PPP2R2B: variants seen among roughly 807,000 people sequenced by gnomAD.
PPP2R2B encodes the protein serine/threonine-protein phosphatase 2A 55 kDa regulatory subunit B beta isoform.
Under a neutral mutation model 46.0 loss-of-function variants are expected in PPP2R2B, and 5 were observed. The ratio of observed to expected loss-of-function variants is 0.11; its 90% CI spans 0.06 to 0.23. The LOEUF (loss-of-function observed/expected upper bound fraction) is 0.23. PPP2R2B is among the 10% of genes least tolerant of loss of function. PPP2R2B has a pLI of 1.00. For synonymous variants in PPP2R2B, 215 were observed against 206.7 expected, an observed-to-expected ratio of 1.04 and a Z score of -0.34; for missense variants, 367 against 575.0, an observed-to-expected ratio of 0.64 and a Z score of 3.70.
At chr5:147,031,246 AT>A (rs1755767420) in intron 1 of PPP2R2B, among the ~76,000 whole-genome samples, 1 of 152,008 alleles carries the variant, frequency 6.6e-6, no homozygotes, top group Non-Finnish European at 1.5e-5. Context: ...AAAAAAAAAA[AT>A]CTTTATTTTG....
At chr5:146,766,505 T>TA (rs546742336) in intron 2 of PPP2R2B, among the ~76,000 whole-genome samples, 237 of 152,218 alleles carry the variant, frequency 1.6e-3, no homozygotes, top group African/African-American at 5.6e-3. Context: ...AAGACTGAGG[T>TA]AAAAAACACA....
intron 7 of PPP2R2B, among the ~76,000 whole-genome samples, chr5:146,601,944 T>C (rs893199031): frequency 3.3e-5 from 5 of 152,358 alleles, no homozygotes; most frequent in Admixed American, 6.5e-5. Context: ...CAGTATGTTA[T>C]TGGAGCCCAT....
chr5:146,779,238 A>G (rs1394152277), intron 2 of PPP2R2B, among the ~76,000 whole-genome samples: 1 of 152,190 alleles, frequency 6.6e-6, no homozygotes, highest in Non-Finnish European at 1.5e-5. Flanking sequence ...GTCTTTTAAG[A>G]GTGATTTTAA....
chr5:146,684,376 C>A (rs1778359724), intron 5 of PPP2R2B, among the ~76,000 whole-genome samples: 1 of 152,228 alleles, frequency 6.6e-6, no homozygotes, highest in Admixed American at 6.5e-5. Context: ...GTTCCCCCTC[C>A]TCCCAGAATG....
chr5:146,913,255 G>T (rs1763257096), intron 1 of PPP2R2B, among the ~76,000 whole-genome samples: 1 of 152,208 alleles, frequency 6.6e-6, no homozygotes, highest in Non-Finnish European at 1.5e-5. Context: ...CTTCAGGATG[G>T]TAGGAGAAGG....
intron 5 of PPP2R2B, among the ~76,000 whole-genome samples, chr5:146,669,340 T>C (rs1410096808): frequency 2.0e-5 from 3 of 152,086 alleles, no homozygotes; most frequent in African/African-American, 4.8e-5. Flanking sequence ...GTTAATCTGC[T>C]CTTTCTTCAG....
Position 146,591,991 on chromosome 5 carries a change from G to A in PPP2R2B, c.1052+980C>T, listed in dbSNP as rs116434449. The A allele has an allele frequency of 3.2e-3, 974 of 300,348 alleles. 11 individuals carry two copies. The highest frequency in any genetic ancestry group is 0.02 in the African/African-American group (872 of 43,786). The allele number at this position is 300,348 out of a possible 1,614,324, so 18.6% of individuals were successfully genotyped here. A position where few individuals can be genotyped will look rare whatever the true frequency, so the allele number is the denominator to read the frequency against. On this transcript the variant is annotated intron_variant, in intron 9 of 9. Transcript: ENST00000394411. ...TTTTTGAATCAAGGCTAAGATAGAG[G>A]AAAAACTTGAGCAATAATAACAGAT...
At chr5:146,989,096 A>T (rs965581296) in intron 1 of PPP2R2B, among the ~76,000 whole-genome samples, 36 of 151,984 alleles carry the variant, frequency 2.4e-4, no homozygotes, top group African/African-American at 8.4e-4. Flanking sequence ...GCAATGAGAT[A>T]GGCACAGTAA....
rs575632504 is a variant in PPP2R2B at position 146,586,997 on chromosome 5, T to A, written c.*2950A>T. 4.7e-4 allele frequency: 72 copies of A among 152,336 alleles called. No individual in the cohort carries two copies. Among genetic ancestry groups the A allele is most frequent in the African/African-American group, 1.7e-3 (69 of 41,582 alleles). 9.4% of individuals were successfully genotyped at this position (152,336 alleles called of 1,614,324 possible). A position where few individuals can be genotyped will look rare whatever the true frequency, so the allele number is the denominator to read the frequency against. On this transcript the variant is annotated 3_prime_UTR_variant, in exon 10 of 10. Coordinates refer to ENST00000394411, the MANE Select transcript of PPP2R2B (RefSeq NM_181675.4). ...GCCAGGGATGGCGTGGCTTCCATTTTCCTTCATTCAACTGACACCCTCCAG... is the reference window on the plus strand; with the variant it reads ...GCCAGGGATGGCGTGGCTTCCATTTACCTTCATTCAACTGACACCCTCCAG...
intron 5 of PPP2R2B, among the ~76,000 whole-genome samples, chr5:146,682,256 A>G (rs577799065): frequency 6.6e-6 from 1 of 152,292 alleles, no homozygotes; most frequent in South Asian, 2.1e-4. Context: ...TCAAAGCATA[A>G]TGAATTGCTA....
In PPP2R2B at chr5:146,594,378, G is replaced by A. The variant is rs189198827; in HGVS notation, c.961-1316C>T. ...AAGCATAGTTGAATATTTTTCTCCA[G>A]CTACATTCAGCAACTCAGCTGTAGA... On this transcript the variant is annotated intron_variant, in intron 8 of 9. Transcript: ENST00000394411. 2.6e-5 allele frequency among the ~76,000 whole-genome samples: 4 copies of A among 152,284 alleles called. No individual in the cohort carries two copies. The East Asian group carries it at 7.7e-4, about 29-fold the overall frequency.
At chr5:146,728,705 A>T (rs1282774167) in intron 2 of PPP2R2B, among the ~76,000 whole-genome samples, 2 of 152,170 alleles carry the variant, frequency 1.3e-5, no homozygotes, top group African/African-American at 4.8e-5. Context: ...TGCTATTCTC[A>T]TGATAGTGAA....
At chr5:146,631,864 A>G (rs1248183450) in intron 7 of PPP2R2B, among the ~76,000 whole-genome samples, 2 of 151,940 alleles carry the variant, frequency 1.3e-5, no homozygotes, top group Non-Finnish European at 2.9e-5. Context: ...TGTGCTTCCA[A>G]TGTGTCAGGG....
intron 2 of PPP2R2B, among the ~76,000 whole-genome samples, chr5:146,845,392 G>A (rs370870740): frequency 1.4e-5 from 2 of 145,058 alleles, no homozygotes; most frequent in African/African-American, 5.1e-5. Context: ...TGCAAGCTCC[G>A]CCTCCCAGGT....
chr5:146,584,136 C>G lies in PPP2R2B; in HGVS notation c.*5811G>C, dbSNP rs1770023337. On this transcript the variant is annotated 3_prime_UTR_variant, in exon 10 of 10. Coordinates refer to ENST00000394411, the MANE Select transcript of PPP2R2B (RefSeq NM_181675.4). ...GGGAAGGCTGGGAGTGGACTGGGAT[C>G]TGTCTTGGCAGTGGCTAAGCCCCTT... 6.6e-6 allele frequency: 1 copy of G among 152,502 alleles called. No individual in the cohort carries two copies. The highest frequency in any genetic ancestry group is 1.5e-5 in the Non-Finnish European group (1 of 68,278). The allele number at this position is 152,502 out of a possible 1,614,324, so 9.4% of individuals were successfully genotyped here.
Position 147,050,172 on chromosome 5 carries a change from T to C in PPP2R2B, c.79+5493A>G, listed in dbSNP as rs148891352. ...CATTGTACATAAAATTCAAAAAATA[T>C]GTTTCAGACATAAAGCAATATCAAA... On this transcript the variant is annotated intron_variant, in intron 1 of 8. Coordinates refer to the PPP2R2B transcript ENST00000336640. Among the ~76,000 whole-genome samples the C allele has an allele frequency of 2.7e-3, 409 of 152,336 alleles. 5 individuals are homozygous for C. Among genetic ancestry groups the C allele is most frequent in the Admixed American group, 0.014 (210 of 15,296 alleles).
intron 1 of PPP2R2B, among the ~76,000 whole-genome samples, chr5:146,929,202 A>G (rs1363009051): frequency 6.6e-6 from 1 of 152,122 alleles, no homozygotes; most frequent in Non-Finnish European, 1.5e-5. Flanking sequence ...TTTTCACAGC[A>G]TATTACTTTC....
At chr5:146,890,343 C>G (rs186803351) in intron 1 of PPP2R2B, among the ~76,000 whole-genome samples, 1 of 152,174 alleles carries the variant, frequency 6.6e-6, no homozygotes, top group Non-Finnish European at 1.5e-5. Flanking sequence ...AGGTTGGAAG[C>G]CTTTATGCTC....
At chr5:146,787,119 A>G (rs1755887575) in intron 2 of PPP2R2B, among the ~76,000 whole-genome samples, 1 of 152,226 alleles carries the variant, frequency 6.6e-6, no homozygotes, top group South Asian at 2.1e-4. Context: ...ACACACAAAA[A>G]TAGTGCTTAC....
Sources: gnomAD v4.1 joint callset for allele counts (sites outside exome capture counted in the v4.1 genomes callset) on GRCh38, gnomAD v4.1.1 for gene constraint, MANE v1.5 for transcripts, NCBI Gene and HGNC (gene_info 2026-07-23, HGNC 2026-07-21) for gene names.